The following BNC2 variants were observed in gnomAD, a reference collection of about 807,000 sequenced individuals.
BNC2 encodes the protein zinc finger protein basonuclin-2.
In BNC2, 20 loss-of-function variants were observed where a neutral mutation model predicts 76.3. That is an observed-to-expected ratio of 0.26 (90% CI 0.18 to 0.38). BNC2 has a LOEUF of 0.38. BNC2 is among the 10% of genes least tolerant of loss of function. The pLI is 1.00. For missense variants in BNC2, 1,382 were observed against 1,399.8 expected (o/e 0.99, Z 0.20); for synonymous variants, 582 against 514.8 (o/e 1.13, Z -1.77).
intron 5 of BNC2, among the ~76,000 whole-genome samples, chr9:16,545,453 T>C (rs1269959485): frequency 1.3e-5 from 2 of 152,166 alleles, no homozygotes. Flanking sequence ...GTTTTACAGG[T>C]GAGTGAACTG....
At chr9:16,796,571 CAAAAAAAAAA>C (rs60635049) in intron 1 of BNC2, among the ~76,000 whole-genome samples, 11,461 of 137,120 alleles carry the variant, frequency 0.084, 1,182 homozygotes, top group African/African-American at 0.26. Flanking sequence ...GACTCCGTCT[CAAAAAAAAAA>C]GAAAGAAAAG....
At chr9:16,726,146 C>A (rs1022929926) in intron 3 of BNC2, among the ~76,000 whole-genome samples, 5 of 152,142 alleles carry the variant, frequency 3.3e-5, no homozygotes, top group Non-Finnish European at 5.9e-5. Flanking sequence ...GGCAGGGATG[C>A]GTCGCGGAAA....
intron 3 of BNC2, among the ~76,000 whole-genome samples, chr9:16,677,571 T>TCAAA (rs201386699): frequency 1.7e-5 from 1 of 59,280 alleles, no homozygotes; most frequent in African/African-American, 1.6e-4. Flanking sequence ...AGACTTTGTC[T>TCAAA]CAAACAAACA....
At chr9:16,821,869 G>A (rs192277873) in intron 1 of BNC2, among the ~76,000 whole-genome samples, 233 of 152,120 alleles carry the variant, frequency 1.5e-3, no homozygotes, top group Non-Finnish European at 1.5e-3. Context: ...CAAGGCGGAC[G>A]GATCACGAGG....
At chr9:16,818,194 G>A (rs1262149725) in intron 1 of BNC2, among the ~76,000 whole-genome samples, 1 of 152,128 alleles carries the variant, frequency 6.6e-6, no homozygotes, top group Non-Finnish European at 1.5e-5. Flanking sequence ...CACGAGGTCA[G>A]GAAATCAAGA....
intron 1 of BNC2, among the ~76,000 whole-genome samples, chr9:16,865,338 ATCTTAT>A (rs1161463909): frequency 2.0e-5 from 3 of 152,176 alleles, no homozygotes; most frequent in African/African-American, 7.2e-5. Flanking sequence ...CCTGATACTC[ATCTTAT>A]TAGAGTTTTA....
At chr9:16,803,825 G>C (rs1817840619) in intron 1 of BNC2, among the ~76,000 whole-genome samples, 1 of 152,234 alleles carries the variant, frequency 6.6e-6, no homozygotes, top group Non-Finnish European at 1.5e-5. Flanking sequence ...CAAATGTCAT[G>C]TGTCCGCTTA....
intron 6 of BNC2, among the ~76,000 whole-genome samples, chr9:16,420,010 T>C (rs1487217825): frequency 6.6e-6 from 1 of 152,198 alleles, no homozygotes. Context: ...TTAGAATATA[T>C]ATTAAATAGG....
chr9:16,788,355 C>A (rs564563022), intron 1 of BNC2, among the ~76,000 whole-genome samples: 1 of 151,644 alleles, frequency 6.6e-6, no homozygotes, highest in Non-Finnish European at 1.5e-5. Flanking sequence ...AGATCGAGAC[C>A]ATCCTGGCTA....
intron 4 of BNC2, chr9:16,579,993 C>A: frequency 2.5e-6 from 1 of 397,558 alleles, no homozygotes; most frequent in Non-Finnish European, 4.4e-6. Context: ...AGTTTTGTTG[C>A]TGTTCCATGC....
chr9:16,747,622 T>C (rs1825050416), intron 1 of BNC2, among the ~76,000 whole-genome samples: 1 of 152,206 alleles, frequency 6.6e-6, no homozygotes, highest in Non-Finnish European at 1.5e-5. Context: ...CAAGACCAAG[T>C]TGGTCTGATT....
intron 1 of BNC2, among the ~76,000 whole-genome samples, chr9:16,807,275 T>C (rs543586517): frequency 1.3e-5 from 2 of 152,310 alleles, no homozygotes; most frequent in South Asian, 2.1e-4. Flanking sequence ...AAATGTTATC[T>C]ACAGAAAGTT....
At chr9:16,575,872 A>C (rs900495176) in intron 4 of BNC2, among the ~76,000 whole-genome samples, 5 of 152,244 alleles carry the variant, frequency 3.3e-5, no homozygotes, top group African/African-American at 1.2e-4. Flanking sequence ...AGAATTTTGC[A>C]GCTAGGCAAA....
intron 3 of BNC2, among the ~76,000 whole-genome samples, chr9:16,714,188 T>A (rs1002123609): frequency 3.3e-5 from 5 of 152,222 alleles, no homozygotes; most frequent in African/African-American, 9.6e-5. Context: ...TCAAAAAGTT[T>A]AAACACGGCA....
chr9:16,590,661 G>A (rs867839349), intron 3 of BNC2, among the ~76,000 whole-genome samples: 2 of 151,994 alleles, frequency 1.3e-5, no homozygotes, highest in African/African-American at 2.4e-5. Context: ...TGAAAAATTC[G>A]CCGGGCGTGG....
intron 5 of BNC2, among the ~76,000 whole-genome samples, chr9:16,461,758 G>A (rs1821587668): frequency 6.6e-6 from 1 of 152,156 alleles, no homozygotes; most frequent in Non-Finnish European, 1.5e-5. Flanking sequence ...CAGCTACGTG[G>A]TTTTACATAC....
chr9:16,627,801 A>G (rs977310061), intron 3 of BNC2, among the ~76,000 whole-genome samples: 4 of 152,190 alleles, frequency 2.6e-5, no homozygotes, highest in Non-Finnish European at 4.4e-5. Flanking sequence ...TTTTACTTGC[A>G]TGACTTCCCT....
chr9:16,512,464 C>T (rs1822778699), intron 5 of BNC2, among the ~76,000 whole-genome samples: 2 of 150,600 alleles, frequency 1.3e-5, no homozygotes, highest in South Asian at 4.2e-4. Flanking sequence ...GTCCTAAAGA[C>T]CAATAAAGGT....
chr9:16,498,991 C>T (rs1450740818), intron 5 of BNC2, among the ~76,000 whole-genome samples: 1 of 152,166 alleles, frequency 6.6e-6, no homozygotes, highest in Non-Finnish European at 1.5e-5. Flanking sequence ...TATTTAATAA[C>T]CGTTTTATTA....
Sources: allele counts gnomAD v4.1 joint callset (sites outside exome capture counted in the v4.1 genomes callset), GRCh38; gene constraint gnomAD v4.1.1; transcripts MANE v1.5; gene names NCBI Gene and HGNC (gene_info 2026-07-23, HGNC 2026-07-21).